The following TROAP variants were observed in gnomAD, a reference collection of about 807,000 sequenced individuals.
TROAP encodes trophinin associated protein.
A neutral mutation model predicts 83.4 loss-of-function variants in TROAP; 62 were observed. That is an observed-to-expected ratio of 0.74 (90% CI 0.61 to 0.92). The LOEUF is 0.92. Ranked by LOEUF, TROAP falls within the 40% of genes least tolerant of loss-of-function variation. The probability of loss-of-function intolerance (pLI) is 0.00; values close to 1 mark genes in which losing one functional copy is unlikely to be tolerated. For missense variants in TROAP, 876 were observed against 985.1 expected, an observed-to-expected ratio of 0.89 and a Z score of 1.48; for synonymous variants, 352 against 386.4, an observed-to-expected ratio of 0.91 and a Z score of 1.04.
At chr12:49,331,075 C>T (rs1214563882) in intron 13 of TROAP, 132 bp downstream of exon 13, 1 of 1,538,594 alleles carries the variant, frequency 6.5e-7, no homozygotes, top group Non-Finnish European at 8.9e-7. Flanking sequence ...CCTGGCTCTC[C>T]CTCAGGAAGA....
rs1184598744 is a variant in TROAP at position 49,330,532 on chromosome 12, G to T, written c.1687G>T (p.Glu563Ter). 1.2e-6 allele frequency: 2 copies of T among 1,613,380 alleles called. No homozygotes were observed. Among genetic ancestry groups the T allele is most frequent in the Non-Finnish European group, 1.7e-6 (2 of 1,179,698 alleles). Residue 563 changes from glutamate to a stop codon, truncating the protein, a stop_gained, in exon 13 of 15, where the codon GAG becomes TAG. Coordinates refer to ENST00000257909, the MANE Select transcript of TROAP (RefSeq NM_005480.4). LOFTEE classifies it high-confidence loss of function. ...GCCCCTAGAGTCCTGCTGTAGGAGT[G>T]AGCCTGAGATACCGGAGTCCTCTCG... Reference protein sequence around the residue: ...PRPLESCCRSEPEIPESSRQE... With the variant: ...PRPLESCCRS
intron 3 of TROAP, 117 bp from the exon 4 acceptor site, chr12:49,325,381 AAAT>A: frequency 1.5e-5 from 17 of 1,118,928 alleles, no homozygotes; most frequent in South Asian, 1.8e-5. Context: ...AAAAAAAAAA[AAAT>A]AAGCCAAATT....
Position 49,329,638 on chromosome 12 carries a change from C to A in TROAP, c.1164+184C>A. ...CTCAGATCTTTGAGACCAGCCTGGG[C>A]AACATAGTGAGACCCTGTCTCCACT... On this transcript the variant is annotated intron_variant, in intron 11 of 14. Transcript: ENST00000257909. This position sits in a 1 kb window ranked among gnomAD's most constrained non-coding sequence, Gnocchi z 4.5. 1.0e-6 allele frequency: 1 copy of A among 970,366 alleles called. No individual in the cohort carries two copies. The highest frequency in any genetic ancestry group is 1.5e-6 in the Non-Finnish European group (1 of 652,482). 60.1% of individuals were successfully genotyped at this position (970,366 alleles called of 1,614,324 possible).
Position 49,328,955 on chromosome 12 carries a change from C to T in TROAP, c.920C>T (p.Ser307Phe), listed in dbSNP as rs1226177190. 2 of 1,596,482 alleles carry T rather than the reference C, an allele frequency of 1.3e-6. No homozygotes were observed. Among genetic ancestry groups the T allele is most frequent in the Non-Finnish European group, 8.5e-7 (1 of 1,169,784 alleles). Residue 307 changes from serine to phenylalanine, a missense_variant, in exon 9 of 15, where the codon TCC becomes TTC. By Grantham distance (155) the Ser-to-Phe change is radical. Around this residue, in one of 3 missense-constraint regions of TROAP, gnomAD observed 689 missense variants for 722.6 expected, o/e 0.95. Transcript: ENST00000257909. ...AGCCATGACTCCCACCTGATGCCCT[C>T]CCCTGCCCCTGTGGCCCAGCCCTTG... ...RDSHDSHLMP[S>F]PAPVAQPLPG...
At chr12:49,328,373 A>G (rs933517079) in intron 8 of TROAP, among the ~76,000 whole-genome samples, 3 of 151,800 alleles carry the variant, frequency 2.0e-5, no homozygotes, top group African/African-American at 7.2e-5. Flanking sequence ...ACAGGCATGC[A>G]CCACCACGCC....
rs1943496192 is a variant in TROAP at position 49,326,086 on chromosome 12, C to T, written c.644C>T (p.Ser215Leu). ...PQRLQALISPSGPSFHPSTRP... is the reference protein window; with the variant it reads ...PQRLQALISPLGPSFHPSTRP... ...GCTCCTGTGGATCAGATTTCACCTT[C>T]AGGACCTTCCTTTCACCCTTCCACT... The change falls in exon 6 of 15, where the codon TCA becomes TTA. Residue 215 changes from serine (S) to leucine (L), a missense_variant. Ser to Leu is a moderately radical substitution (Grantham distance 145). Around this residue, in one of 3 missense-constraint regions of TROAP, gnomAD observed 689 missense variants for 722.6 expected, o/e 0.95. Coordinates refer to ENST00000257909, the MANE Select transcript of TROAP (RefSeq NM_005480.4). 1 of 1,613,848 alleles carries T rather than the reference C, an allele frequency of 6.2e-7. No individual in the cohort carries two copies. The highest frequency in any genetic ancestry group is 1.7e-5 in the Admixed American group (1 of 60,020).
rs1565673091 is a variant in TROAP, at chr12:49,331,227, G to A, written c.2112G>A (p.Leu704=). ...CATGCCCCTCAGGCCTCAGCAATCTGGCCCCTCGAACCCTAGCCCTGAGGG... is the reference window on the plus strand; with the variant it reads ...CATGCCCCTCAGGCCTCAGCAATCTAGCCCCTCGAACCCTAGCCCTGAGGG... ...PPAGQAGLSN[L]APRTLALRER... The change falls in exon 14 of 15, where the codon CTG becomes CTA. Residue 704 remains leucine, a synonymous_variant. Transcript: ENST00000257909. 3.1e-6 allele frequency: 5 copies of A among 1,614,148 alleles called. No homozygotes were observed. In the Admixed American group the frequency reaches 6.7e-5, roughly 22 times the overall value.
chr12:49,325,194 C>T (rs989269329), intron 3 of TROAP, among the ~76,000 whole-genome samples: 4 of 151,922 alleles, frequency 2.6e-5, no homozygotes, highest in African/African-American at 4.8e-5. Flanking sequence ...GCTGGGATTA[C>T]AGGAGTGAGC....
chr12:49,329,700 C>T lies in TROAP; in HGVS notation c.1165-157C>T. The T allele has an allele frequency of 8.2e-7, 1 of 1,213,760 alleles. No individual in the cohort carries two copies. The allele number at this position is 1,213,760 out of a possible 1,614,324, so 75.2% of individuals were successfully genotyped here. A position where few individuals can be genotyped will look rare whatever the true frequency, so the allele number is the denominator to read the frequency against. On this transcript the variant is annotated intron_variant, in intron 11 of 14. Coordinates refer to ENST00000257909, the MANE Select transcript of TROAP (RefSeq NM_005480.4). The surrounding 1 kb of genome is among the most constrained non-coding windows in gnomAD (Gnocchi z 4.5). ...AATTAGAAAGTGCTCTCTGGAAAAG[C>T]TGCCTAACTCTCACTGCTTCTCTGC...
chr12:49,330,738 A>T lies in TROAP; in HGVS notation c.1893A>T (p.Gly631=). ...AGCCCAGCACCCAGGGGCAGTCTGG[A>T]CCCCCAGGGCCCTGCCCTAGGGTAG... is the stretch of plus-strand genomic sequence containing the variant. ...PLQPSTQGQS[G]PPGPCPRVEL... The change falls in exon 13 of 15, where the codon GGA becomes GGT. Residue 631 remains glycine, a synonymous_variant. Coordinates refer to ENST00000257909, the MANE Select transcript of TROAP (RefSeq NM_005480.4). 6.2e-7 allele frequency: 1 copy of T among 1,613,760 alleles called. No homozygotes were observed. Among genetic ancestry groups the T allele is most frequent in the Non-Finnish European group, 8.5e-7 (1 of 1,179,876 alleles).
intron 3 of TROAP, 120 bp from the exon 4 acceptor site, chr12:49,325,381 A>AT (rs1232714876): frequency 1.7e-4 from 185 of 1,118,954 alleles, no homozygotes; most frequent in African/African-American, 1.2e-3. Flanking sequence ...AAAAAAAAAA[A>AT]AATAAGCCAA....
rs1418377836 is a variant in TROAP, at chr12:49,331,640, C to T, written c.*23C>T. 2.5e-6 allele frequency: 4 copies of T among 1,614,058 alleles called. No homozygotes were observed. Among genetic ancestry groups the T allele is most frequent in the Non-Finnish European group, 3.4e-6 (4 of 1,179,970 alleles). ...TGATGAGACAACCACTCCTGCCCTG[C>T]CGTACTTCTTCCTTTTAGCCCTTAT... On this transcript the variant is annotated 3_prime_UTR_variant, in exon 15 of 15. Coordinates refer to ENST00000257909, the MANE Select transcript of TROAP (RefSeq NM_005480.4).
intron 8 of TROAP, among the ~76,000 whole-genome samples, chr12:49,328,214 C>CTTT (rs981259606): frequency 2.2e-4 from 17 of 77,362 alleles, no homozygotes; most frequent in Non-Finnish European, 2.8e-4. Flanking sequence ...TGACTTAGGT[C>CTTT]TTTTTTTTTT....
Position 49,331,404 on chromosome 12 carries a change from C to A in TROAP, c.2289C>A (p.Ala763=). The A allele has an allele frequency of 5.6e-6, 9 of 1,612,426 alleles. No individual in the cohort carries two copies. Among genetic ancestry groups the A allele is most frequent in the Non-Finnish European group, 7.6e-6 (9 of 1,178,782 alleles). ...CTACATTACTCGAATGGCAGGATGC[C>A]CTGGTGAGACTCCAACCCACAGCCC... ...PVATLLEWQD[A]LCFIPVGSAA... Residue 763 remains alanine, a synonymous_variant, in exon 14 of 15, where the codon GCC becomes GCA. Coordinates refer to ENST00000257909, the MANE Select transcript of TROAP (RefSeq NM_005480.4).
chr12:49,327,787 AAATAAT>A (rs751584977), intron 8 of TROAP, among the ~76,000 whole-genome samples: 19 of 151,776 alleles, frequency 1.3e-4, no homozygotes, highest in East Asian at 3.9e-4. Flanking sequence ...GTTCTCTCTA[AAATAAT>A]AATAATAATA....
intron 6 of TROAP, 65 bp from the exon 7 acceptor site, chr12:49,326,603 T>A (rs1222836355): frequency 6.7e-7 from 1 of 1,486,162 alleles, no homozygotes; most frequent in Non-Finnish European, 9.2e-7. Flanking sequence ...TGTAAAGCAC[T>A]TAGCACATGT....
rs1943445136 is a variant in TROAP, at chr12:49,323,838, C to T, written c.145-7C>T. 1.2e-6 allele frequency: 2 copies of T among 1,613,882 alleles called. No homozygotes were observed. Among genetic ancestry groups the T allele is most frequent in the South Asian group, 1.1e-5 (1 of 91,086 alleles). On this transcript the variant is annotated splice_polypyrimidine_tract_variant and splice_region_variant and intron_variant, in intron 2 of 14. Coordinates refer to ENST00000257909, the MANE Select transcript of TROAP (RefSeq NM_005480.4). ...CCTCACCTTTTTGTCCCCGCTCCCTCCCCTAGAGATGGGTGCAGAAACCAC... is the reference window on the plus strand; with the variant it reads ...CCTCACCTTTTTGTCCCCGCTCCCTTCCCTAGAGATGGGTGCAGAAACCAC...
intron 8 of TROAP, among the ~76,000 whole-genome samples, chr12:49,327,806 A>G (rs1486237685): frequency 6.6e-6 from 1 of 152,132 alleles, no homozygotes; most frequent in African/African-American, 2.4e-5. Flanking sequence ...TAATAATAAT[A>G]ATAAGGCACT....
chr12:49,325,835 G>C lies in TROAP; in HGVS notation c.584G>C (p.Gly195Ala). Residue 195 changes from glycine (G) to alanine (A), a missense_variant, in exon 5 of 15, where the codon GGA becomes GCA. This residue lies in a region of TROAP where 689 missense variants were observed against 722.6 expected (regional missense o/e 0.95). Transcript: ENST00000257909. ...ARASCFSRLE[G>A]PGPRGRTLCP... is the part of the protein sequence containing the mutation. The stretch of plus-strand genomic sequence containing the variant: ...GCTTCCTGCTTCTCTAGGCTGGAGG[G>C]ACCAGGACCTCGAGGCCGGACATTG... The C allele has an allele frequency of 6.2e-7, 1 of 1,614,098 alleles. No individual in the cohort carries two copies. The highest frequency in any genetic ancestry group is 8.5e-7 in the Non-Finnish European group (1 of 1,180,026).
Sources: allele counts gnomAD v4.1 joint callset (sites outside exome capture counted in the v4.1 genomes callset), GRCh38; gene constraint gnomAD v4.1.1; regional missense constraint gnomAD v4.1.1; non-coding constraint Gnocchi (gnomAD v3.1); transcripts MANE v1.5; gene names NCBI Gene and HGNC (gene_info 2026-07-23, HGNC 2026-07-21).